CHM: variants seen among roughly 807,000 people sequenced by gnomAD.
The protein encoded by CHM is CHM Rab escort protein.
In CHM, 10 loss-of-function variants were observed where a neutral mutation model predicts 49.0. That is an observed-to-expected ratio of 0.20 (90% CI 0.13 to 0.35). The LOEUF (loss-of-function observed/expected upper bound fraction) is 0.35, where lower values mean the gene tolerates loss of function less well. Among genes scored for constraint, CHM ranks in the 10% least tolerant of loss-of-function variants. The probability of loss-of-function intolerance (pLI) is 1.00; values close to 1 mark genes in which losing one functional copy is unlikely to be tolerated. For missense variants in CHM, 455 were observed against 478.4 expected, an observed-to-expected ratio of 0.95 and a Z score of 0.46; for synonymous variants, 184 against 167.5, an observed-to-expected ratio of 1.10 and a Z score of -0.76.
chrX:85,995,074 C>T (rs771570136), intron 2 of CHM, among the ~76,000 whole-genome samples: 2 of 109,790 alleles, frequency 1.8e-5, no homozygotes, highest in East Asian at 5.7e-4. Flanking sequence ...AAAATTCTCT[C>T]CTCATGTAAA....
At chrX:85,969,236 A>G (rs1930749387) in intron 4 of CHM, 2 of 729,205 alleles carry the variant, frequency 2.7e-6, no homozygotes, top group Admixed American at 1.8e-4. Flanking sequence ...AAAATAGGAC[A>G]GAAAATGTAT....
rs762958566 is a variant in CHM at position 85,873,165 on chromosome X, T to C, written c.1657A>G (p.Asn553Asp). Residue 553 changes from asparagine (N) to aspartate (D), a missense_variant, in exon 14 of 15, where the codon AAT (asparagine) becomes GAT (aspartate). By Grantham distance (23) the Asn-to-Asp change is conservative. Transcript: ENST00000357749. ...CTGATGTCTGACGAATCTCTCATATTGAAGTAAAGAGCCCACAGAATTCTT... is the reference window on the plus strand; with the variant it reads ...CTGATGTCTGACGAATCTCTCATATCGAAGTAAAGAGCCCACAGAATTCTT... ...KPRILWALYF[N>D]MRDSSDISRS... 7 of 1,205,000 alleles carry C rather than the reference T, an allele frequency of 5.8e-6. No homozygotes were observed. The Admixed American group carries it at 1.5e-4, about 26-fold the overall frequency.
chrX:85,892,416 T>C (rs1925530001), intron 12 of CHM, among the ~76,000 whole-genome samples: 1 of 109,950 alleles, frequency 9.1e-6, no homozygotes, highest in African/African-American at 3.3e-5. Flanking sequence ...CCGGTCTTTC[T>C]TGTGCTATTC....
At chrX:85,951,928 C>G (rs984498908) in intron 8 of CHM, among the ~76,000 whole-genome samples, 2 of 111,819 alleles carry the variant, frequency 1.8e-5, no homozygotes, top group Non-Finnish European at 3.8e-5. Context: ...AGCATAGCAA[C>G]TGGGGGATGT....
In CHM at chrX:85,864,262, T is replaced by G. The variant is rs1340668301; in HGVS notation, c.*368A>C. 5.6e-6 allele frequency: 1 copy of G among 177,382 alleles called. No individual in the cohort carries two copies. Among genetic ancestry groups the G allele is most frequent in the Non-Finnish European group, 1.1e-5 (1 of 94,227 alleles). 14.6% of individuals were successfully genotyped at this position (177,382 alleles called of 1,213,427 possible). A position where few individuals can be genotyped will look rare whatever the true frequency, so the allele number is the denominator to read the frequency against. ...CCAAAGAAAATACATGAGCTGGTTC[T>G]GAAAATGTGGCTTTCAAACAAAGAT... On this transcript the variant is annotated 3_prime_UTR_variant, in exon 15 of 15. Coordinates refer to ENST00000357749, the MANE Select transcript of CHM (RefSeq NM_000390.4).
chrX:85,961,512 CA>C (rs200586880), intron 5 of CHM, among the ~76,000 whole-genome samples: 4,235 of 105,832 alleles, frequency 0.04, 242 homozygotes, highest in African/African-American at 0.14. Context: ...TTATTAACTG[CA>C]ATTATTAGAA....
intron 4 of CHM, among the ~76,000 whole-genome samples, chrX:85,973,095 T>TC: frequency 9.2e-6 from 1 of 108,142 alleles, no homozygotes; most frequent in Admixed American, 9.8e-5. Context: ...GGTCAAGAGA[T>TC]CGAAACCATC....
intron 8 of CHM, among the ~76,000 whole-genome samples, chrX:85,921,171 A>T (rs1311898632): frequency 2.7e-5 from 3 of 112,254 alleles, no homozygotes; most frequent in Admixed American, 1.9e-4. Flanking sequence ...TGTGAGTAGA[A>T]GGTAAATACT....
rs570017973 is a variant in CHM, at chrX:85,966,209, C to A, written c.315-2157G>T. Among the ~76,000 whole-genome samples, 6 of 109,136 alleles carry A rather than the reference C, an allele frequency of 5.5e-5. No individual in the cohort carries two copies. The South Asian group carries it at 1.6e-3, about 29-fold the overall frequency. The allele number at this position is 109,136 out of a possible 115,157, so 94.8% of individuals were successfully genotyped here. ...TACTAAAATGCAAAAATTAGCTGGG[C>A]GTGGTGATGGGCACCTGTAATCTCA... On this transcript the variant is annotated intron_variant, in intron 4 of 14. Transcript: ENST00000357749.
At chrX:85,931,377 C>T (rs919245153) in intron 8 of CHM, among the ~76,000 whole-genome samples, 1 of 111,389 alleles carries the variant, frequency 9.0e-6, no homozygotes, top group Non-Finnish European at 1.9e-5. Flanking sequence ...TAGACCAGTT[C>T]GATTTGCTTT....
chrX:85,871,785 C>A (rs911762130), intron 14 of CHM, among the ~76,000 whole-genome samples: 3 of 111,371 alleles, frequency 2.7e-5, no homozygotes, highest in Non-Finnish European at 3.8e-5. Flanking sequence ...GTATTATAAG[C>A]CCTTACTTAA....
At chrX:85,892,443 G>C (rs1301191754) in intron 12 of CHM, among the ~76,000 whole-genome samples, 3 of 111,120 alleles carry the variant, frequency 2.7e-5, no homozygotes, top group South Asian at 7.6e-4. Flanking sequence ...TAGTGTGTAA[G>C]TCTTACAAGA....
chrX:85,928,136 T>C (rs1365611590), intron 8 of CHM, among the ~76,000 whole-genome samples: 1 of 112,511 alleles, frequency 8.9e-6, no homozygotes, highest in African/African-American at 3.2e-5. Flanking sequence ...TTAGGGAACC[T>C]GTTAAGAGAG....
In CHM at chrX:85,895,973, C is replaced by T. The variant is rs562927545; in HGVS notation, c.1414-1689G>A. 5.6e-5 allele frequency among the ~76,000 whole-genome samples: 6 copies of T among 107,239 alleles called. No individual in the cohort carries two copies. The East Asian group carries it at 8.8e-4, about 16-fold the overall frequency. 93.1% of individuals were successfully genotyped at this position (107,239 alleles called of 115,157 possible). ...TAGTAACCTCCTACTACAGTACCTCCGTCACCTGAACTCTGAGAAGTTAAC... is the reference window on the plus strand; with the variant it reads ...TAGTAACCTCCTACTACAGTACCTCTGTCACCTGAACTCTGAGAAGTTAAC... On this transcript the variant is annotated intron_variant, in intron 11 of 14. Transcript: ENST00000357749.
At chrX:85,889,183 G>A (rs1422317441) in intron 12 of CHM, among the ~76,000 whole-genome samples, 1 of 111,525 alleles carries the variant, frequency 9.0e-6, no homozygotes, top group African/African-American at 3.3e-5. Flanking sequence ...GTCCTCAAAA[G>A]CAATTGCAAC....
chrX:85,931,073 G>A (rs1928404188), intron 8 of CHM, among the ~76,000 whole-genome samples: 1 of 111,077 alleles, frequency 9.0e-6, no homozygotes, highest in Non-Finnish European at 1.9e-5. Context: ...GATGGTCAAA[G>A]TAAAGACAAG....
intron 2 of CHM, among the ~76,000 whole-genome samples, chrX:86,009,029 C>T (rs1200348590): frequency 1.8e-5 from 2 of 112,142 alleles, no homozygotes; most frequent in Non-Finnish European, 3.8e-5. Context: ...CTTTCATATA[C>T]TAATCCTCAT....
At chrX:85,962,359 G>A (rs1677025391) in intron 5 of CHM, among the ~76,000 whole-genome samples, 1 of 112,185 alleles carries the variant, frequency 8.9e-6, no homozygotes, top group South Asian at 3.7e-4. Flanking sequence ...GAGATAGTAC[G>A]GAAGTATGAA....
rs1275646205 is a variant in CHM, at chrX:85,861,688, C to A, written c.*2942G>T. 2.7e-5 allele frequency: 3 copies of A among 111,537 alleles called. No homozygotes were observed. Among genetic ancestry groups the A allele is most frequent in the South Asian group, 3.7e-4 (1 of 2,691 alleles). The allele number at this position is 111,537 out of a possible 1,213,427, so 9.2% of individuals were successfully genotyped here. The stretch of plus-strand genomic sequence containing the variant: ...TACAGTATATGTTTTTCTGAGCAGG[C>A]ACACCAACTAGGAAAAAATACAATA... On this transcript the variant is annotated 3_prime_UTR_variant, in exon 15 of 15. Transcript: ENST00000357749.
Sources: allele counts gnomAD v4.1 joint callset (sites outside exome capture counted in the v4.1 genomes callset), GRCh38; gene constraint gnomAD v4.1.1; transcripts MANE v1.5; gene names NCBI Gene and HGNC (gene_info 2026-07-23, HGNC 2026-07-21).